Variants in PTCHD1 observed in about 807,000 individuals in gnomAD.
The protein encoded by PTCHD1 is patched domain containing 1, also known as patched domain-containing protein 1.
A neutral mutation model predicts 34.6 loss-of-function variants in PTCHD1; 3 were observed. The observed-to-expected ratio is 0.09, with a 90% CI of 0.04 to 0.22. The LOEUF is 0.22. Ranked by LOEUF, PTCHD1 falls within the 10% of genes least tolerant of loss-of-function variation. The pLI is 1.00. For missense variants in PTCHD1, 504 were observed against 685.5 expected (o/e 0.74, Z 2.96); for synonymous variants, 305 against 283.1 (o/e 1.08, Z -0.77).
intron 1 of PTCHD1, among the ~76,000 whole-genome samples, chrX:23,376,726 A>G (rs1922422723): frequency 8.9e-6 from 1 of 112,072 alleles, no homozygotes; most frequent in Non-Finnish European, 1.9e-5. Flanking sequence ...ATTCCACAGT[A>G]GAATCCTACA....
At chrX:23,342,578 T>C (rs1921372745) in intron 1 of PTCHD1, among the ~76,000 whole-genome samples, 1 of 109,991 alleles carries the variant, frequency 9.1e-6, no homozygotes, top group Non-Finnish European at 1.9e-5. Flanking sequence ...TCATCCAGCA[T>C]AGCTATTTAG....
chrX:23,392,041 CT>C (rs1456668806), intron 2 of PTCHD1, among the ~76,000 whole-genome samples: 4 of 74,371 alleles, frequency 5.4e-5, no homozygotes, highest in South Asian at 5.8e-4. Context: ...CATTTTCTTT[CT>C]TTTTTTTTCT....
chrX:23,358,337 T>G (rs1273859237), intron 1 of PTCHD1, among the ~76,000 whole-genome samples: 2 of 112,250 alleles, frequency 1.8e-5, no homozygotes, highest in Admixed American at 9.4e-5. Flanking sequence ...TCTGACTTTT[T>G]AATGATTGCC....
chrX:23,352,701 C>G (rs1921671686), intron 1 of PTCHD1, among the ~76,000 whole-genome samples: 1 of 111,298 alleles, frequency 9.0e-6, no homozygotes, highest in Non-Finnish European at 1.9e-5. Context: ...ACCGTAGTAA[C>G]TCAAATATAC....
chrX:23,362,407 A>T (rs1235475306), intron 1 of PTCHD1, among the ~76,000 whole-genome samples: 1 of 112,057 alleles, frequency 8.9e-6, no homozygotes, highest in East Asian at 2.8e-4. Context: ...TTGATCTTCA[A>T]TCACTGATAC....
intron 1 of PTCHD1, among the ~76,000 whole-genome samples, chrX:23,366,487 T>G (rs897663259): frequency 7.1e-5 from 8 of 112,060 alleles, no homozygotes; most frequent in Non-Finnish European, 1.1e-4. Context: ...TTTGTGCCTC[T>G]GAAACTTTGC....
chrX:23,380,390 C>A (rs1269750893), intron 2 of PTCHD1, 139 bp downstream of exon 2: 2 of 593,670 alleles, frequency 3.4e-6, no homozygotes, highest in African/African-American at 2.2e-5. Flanking sequence ...GGGACCCACT[C>A]TATAAAGTGC....
intron 1 of PTCHD1, among the ~76,000 whole-genome samples, chrX:23,364,190 TG>T (rs1450512029): frequency 1.8e-5 from 2 of 110,672 alleles, no homozygotes; most frequent in African/African-American, 6.6e-5. Context: ...AGCTTTCCTC[TG>T]GGGATAGTGG....
At chrX:23,367,987 A>T (rs1357169612) in intron 1 of PTCHD1, among the ~76,000 whole-genome samples, 1 of 110,934 alleles carries the variant, frequency 9.0e-6, no homozygotes, top group Non-Finnish European at 1.9e-5. Flanking sequence ...TTGCACTCCC[A>T]AAAGTGTTCC....
chrX:23,343,994 C>T (rs1013188416), intron 1 of PTCHD1, among the ~76,000 whole-genome samples: 1 of 112,334 alleles, frequency 8.9e-6, no homozygotes, highest in Non-Finnish European at 1.9e-5. Flanking sequence ...TTTGATTGCT[C>T]TCAGACTTTC....
intron 1 of PTCHD1, among the ~76,000 whole-genome samples, chrX:23,342,328 TTTTTA>T (rs1485611599): frequency 0.015 from 644 of 43,042 alleles, 8 homozygotes; most frequent in South Asian, 0.032. Context: ...TTTTTTTTTT[TTTTTA>T]AAAGAATTGG....
In PTCHD1 at chrX:23,401,111, C is replaced by T. The variant is rs1384491929; in HGVS notation, c.*6926C>T. 9.1e-6 allele frequency: 1 copy of T among 109,335 alleles called. No individual in the cohort carries two copies. Among genetic ancestry groups the T allele is most frequent in the African/African-American group, 3.4e-5 (1 of 29,800 alleles). The allele number at this position is 109,335 out of a possible 1,213,427, so 9.0% of individuals were successfully genotyped here. On this transcript the variant is annotated 3_prime_UTR_variant, in exon 3 of 3. Transcript: ENST00000379361. Reference sequence around the variant, plus strand: ...ACCCATGATAGTCTCGATCTCCTAACCTCGTGATCCACCCGCCTCGGCCTC... The same window carrying T: ...ACCCATGATAGTCTCGATCTCCTAATCTCGTGATCCACCCGCCTCGGCCTC...
intron 1 of PTCHD1, among the ~76,000 whole-genome samples, chrX:23,374,280 CAAAAAAAAAAAAAAAA>C (rs752214252): frequency 2.0e-4 from 5 of 24,543 alleles, no homozygotes; most frequent in Non-Finnish European, 3.4e-4. Context: ...GAAACAAATA[CAAAAAAAAAAAAAAAA>C]AAAAAAAAAA....
At chrX:23,354,626 G>A (rs1489862968) in intron 1 of PTCHD1, among the ~76,000 whole-genome samples, 1 of 101,344 alleles carries the variant, frequency 9.9e-6, no homozygotes, top group African/African-American at 3.7e-5. Context: ...AGGCTGGAGT[G>A]CAGTGGCGCC....
At chrX:23,344,021 C>T (rs1002956036) in intron 1 of PTCHD1, among the ~76,000 whole-genome samples, 1 of 112,390 alleles carries the variant, frequency 8.9e-6, no homozygotes, top group African/African-American at 3.2e-5. Context: ...GCACACACGT[C>T]ACCTAGGCAT....
At chrX:23,383,571 C>G (rs1922614219) in intron 2 of PTCHD1, among the ~76,000 whole-genome samples, 1 of 111,660 alleles carries the variant, frequency 9.0e-6, no homozygotes, top group South Asian at 3.8e-4. Context: ...TGTGACAGTT[C>G]TGGCAATAAG....
chrX:23,334,801 C>CGGG (rs1214952543), upstream of PTCHD1: 1 of 594,032 alleles, frequency 1.7e-6, no homozygotes, highest in Non-Finnish European at 2.1e-6. Context: ...GCCGCCGCCG[C>CGGG]CGCCGCCGCC....
At chrX:23,392,376 C>T (rs749959065) in intron 2 of PTCHD1, among the ~76,000 whole-genome samples, 155 bp from the exon 3 acceptor site, 1 of 111,627 alleles carries the variant, frequency 9.0e-6, no homozygotes, top group South Asian at 3.8e-4. Context: ...ATGGGTCTAT[C>T]TCCGCATAGG....
At chrX:23,349,977 A>G (rs1921582268) in intron 1 of PTCHD1, among the ~76,000 whole-genome samples, 1 of 106,465 alleles carries the variant, frequency 9.4e-6, no homozygotes, top group Non-Finnish European at 1.9e-5. Context: ...TTGGAATACA[A>G]TAGCTGCAGA....
Sources: gnomAD v4.1 joint callset for allele counts (sites outside exome capture counted in the v4.1 genomes callset) on GRCh38, gnomAD v4.1.1 for gene constraint, MANE v1.5 for transcripts, NCBI Gene and HGNC (gene_info 2026-07-23, HGNC 2026-07-21) for gene names.